ASTN1: variants seen among roughly 807,000 people sequenced by gnomAD.
The protein encoded by ASTN1 is astrotactin 1, also known as astrotactin-1.
A neutral mutation model predicts 140.7 loss-of-function variants in ASTN1; 41 were observed. That is an observed-to-expected ratio of 0.29 (90% CI 0.23 to 0.38). The LOEUF (loss-of-function observed/expected upper bound fraction) is 0.38. Ranked by LOEUF, ASTN1 falls within the 10% of genes least tolerant of loss-of-function variation. The pLI is 1.00. For synonymous variants in ASTN1, 640 were observed against 652.2 expected, an observed-to-expected ratio of 0.98 and a Z score of 0.29; for missense variants, 1,479 against 1,678.8, an observed-to-expected ratio of 0.88 and a Z score of 2.08.
At chr1:177,075,645 C>CTTTTTTTTTTTTTTTTTTTTT (rs5778927) in intron 1 of ASTN1, among the ~76,000 whole-genome samples, 10 of 99,548 alleles carry the variant, frequency 1.0e-4, no homozygotes, top group Non-Finnish European at 1.5e-4. Context: ...CTTTTCTTTT[C>CTTTTTTTTTTTTTTTTTTTTT]TTTTTTTTTT....
intron 12 of ASTN1, 122 bp from the exon 13 acceptor site, chr1:176,946,242 T>C (rs1363014193): frequency 1.0e-6 from 1 of 964,422 alleles, no homozygotes; most frequent in East Asian, 2.6e-5. Context: ...AGATTAGATT[T>C]CCAAGTTATA....
chr1:176,991,412 TC>T (rs1674156137), intron 8 of ASTN1, among the ~76,000 whole-genome samples: 10 of 41,824 alleles, frequency 2.4e-4, no homozygotes, highest in South Asian at 1.4e-3. Context: ...AAACTCTGTC[TC>T]AAAAAAAAAA....
chr1:176,877,137 T>C (rs1012727168), intron 20 of ASTN1, among the ~76,000 whole-genome samples: 1 of 152,204 alleles, frequency 6.6e-6, no homozygotes, highest in African/African-American at 2.4e-5. Context: ...CACATAGTTA[T>C]AGTGAATGCC....
chr1:177,053,822 G>A (rs1480046388), intron 2 of ASTN1, among the ~76,000 whole-genome samples: 2 of 152,160 alleles, frequency 1.3e-5, no homozygotes, highest in African/African-American at 4.8e-5. Context: ...CTGTGAGGTG[G>A]TGTGACTGAA....
intron 21 of ASTN1, among the ~76,000 whole-genome samples, chr1:176,870,730 G>A (rs1668307621): frequency 6.6e-6 from 1 of 152,096 alleles, no homozygotes; most frequent in Admixed American, 6.5e-5. Context: ...TAGTATAGAA[G>A]TCCACTTAGA....
intron 1 of ASTN1, among the ~76,000 whole-genome samples, chr1:177,162,163 C>G (rs1445220050): frequency 1.3e-5 from 2 of 152,138 alleles, no homozygotes; most frequent in Admixed American, 1.3e-4. Flanking sequence ...TGATCAAGAC[C>G]ACAAAAGTTA....
intron 7 of ASTN1, among the ~76,000 whole-genome samples, chr1:177,021,380 A>C (rs926440821): frequency 6.6e-6 from 1 of 152,206 alleles, no homozygotes; most frequent in Non-Finnish European, 1.5e-5. Context: ...TGAAGAGTTG[A>C]TGGGAGAGCT....
At chr1:176,879,444 AC>A (rs1557930034) in intron 20 of ASTN1, among the ~76,000 whole-genome samples, 2 of 152,124 alleles carry the variant, frequency 1.3e-5, no homozygotes, top group Non-Finnish European at 2.9e-5. Flanking sequence ...CATTCCAGCC[AC>A]CTTTTGTAGC....
chr1:177,001,721 G>A (rs765310859), intron 8 of ASTN1, among the ~76,000 whole-genome samples: 14 of 152,188 alleles, frequency 9.2e-5, no homozygotes, highest in Non-Finnish European at 2.1e-4. Flanking sequence ...TGAATAAGAT[G>A]AAATAGGTGG....
rs540079159 is a variant in ASTN1, at chr1:177,128,184, C to A, written c.283+36210G>T. Among the ~76,000 whole-genome samples, 4 of 152,194 alleles carry A rather than the reference C, an allele frequency of 2.6e-5. No individual in the cohort carries two copies. The South Asian group carries it at 8.3e-4, about 32-fold the overall frequency. Reference sequence around the variant, plus strand: ...TTGAAAAGGAGTCATAACTTAGAAGCACTGTATAAAAAAAGAAAACAAAAG... The same window carrying A: ...TTGAAAAGGAGTCATAACTTAGAAGAACTGTATAAAAAAAGAAAACAAAAG... On this transcript the variant is annotated intron_variant, in intron 1 of 22. Transcript: ENST00000361833.
At chr1:177,061,462 C>G (rs1386108836) in intron 1 of ASTN1, among the ~76,000 whole-genome samples, 197 bp from the exon 2 acceptor site, 1 of 152,208 alleles carries the variant, frequency 6.6e-6, no homozygotes, top group African/African-American at 2.4e-5. Context: ...AGACAATTAT[C>G]TCCCGTAGGT....
chr1:177,043,769 G>A (rs563240417), intron 2 of ASTN1, among the ~76,000 whole-genome samples: 5 of 152,168 alleles, frequency 3.3e-5, no homozygotes, highest in South Asian at 2.1e-4. Context: ...GTACGAACAC[G>A]ATTAGAGCAT....
chr1:176,986,563 C>T (rs1673915883), intron 8 of ASTN1, among the ~76,000 whole-genome samples: 2 of 152,202 alleles, frequency 1.3e-5, no homozygotes, highest in South Asian at 4.2e-4. Context: ...TTACTACTCT[C>T]ATATTCATTA....
At chr1:177,010,826 A>C (rs951864298) in intron 8 of ASTN1, among the ~76,000 whole-genome samples, 1 of 152,202 alleles carries the variant, frequency 6.6e-6, no homozygotes, top group Non-Finnish European at 1.5e-5. Context: ...CAATTTTAGG[A>C]ATATGTTTTA....
chr1:177,052,284 T>C (rs1190282464), intron 2 of ASTN1, among the ~76,000 whole-genome samples: 1 of 152,168 alleles, frequency 6.6e-6, no homozygotes. Context: ...GTATGCAAGA[T>C]TGTTACAGGC....
intron 1 of ASTN1, among the ~76,000 whole-genome samples, chr1:177,103,934 G>C (rs775381898): frequency 6.6e-6 from 1 of 152,098 alleles, no homozygotes; most frequent in Non-Finnish European, 1.5e-5. Context: ...TACTAGCTCT[G>C]AGCAGATCCC....
chr1:176,934,446 G>T, intron 15 of ASTN1, 106 bp from the exon 16 acceptor site: 1 of 1,159,408 alleles, frequency 8.6e-7, no homozygotes, highest in Non-Finnish European at 1.2e-6. Flanking sequence ...GTGGCTCAAA[G>T]TGATGTGGGA....
At chr1:177,102,841 T>C (rs1680365837) in intron 1 of ASTN1, among the ~76,000 whole-genome samples, 1 of 152,106 alleles carries the variant, frequency 6.6e-6, no homozygotes, top group Non-Finnish European at 1.5e-5. Flanking sequence ...CTGGCCAACA[T>C]CCAAAGAGGA....
At chr1:176,976,806 C>T (rs1044779657) in intron 8 of ASTN1, 2 of 152,194 alleles carry the variant, frequency 1.3e-5, no homozygotes, top group Non-Finnish European at 2.9e-5. Flanking sequence ...CGCTTACTCC[C>T]GTCAATGGGC....
Sources: gnomAD v4.1 joint callset for allele counts (sites outside exome capture counted in the v4.1 genomes callset) on GRCh38, gnomAD v4.1.1 for gene constraint, MANE v1.5 for transcripts, NCBI Gene and HGNC (gene_info 2026-07-23, HGNC 2026-07-21) for gene names.